LRFN5: variants seen among roughly 807,000 people sequenced by gnomAD.
LRFN5 encodes the protein leucine-rich repeat and fibronectin type-III domain-containing protein 5.
Under a neutral mutation model 45.6 loss-of-function variants are expected in LRFN5, and 24 were observed. That is an observed-to-expected ratio of 0.53 (90% confidence interval 0.38 to 0.74). The LOEUF (loss-of-function observed/expected upper bound fraction) is 0.74, where lower values mean the gene tolerates loss of function less well. LRFN5 is among the 30% of genes least tolerant of loss of function. LRFN5 has a pLI of 0.00. For missense variants in LRFN5, 776 were observed against 861.5 expected (o/e 0.90, Z 1.24); for synonymous variants, 340 against 313.8 (o/e 1.08, Z -0.88).
chr14:41,797,824 CAAG>C (rs1206074837), intron 2 of LRFN5, among the ~76,000 whole-genome samples: 1 of 151,820 alleles, frequency 6.6e-6, no homozygotes, highest in African/African-American at 2.4e-5. Flanking sequence ...GTATTTCTTA[CAAG>C]AAAATCTCTA....
intron 2 of LRFN5, among the ~76,000 whole-genome samples, chr14:41,814,885 T>A (rs1887863540): frequency 6.6e-6 from 1 of 152,046 alleles, no homozygotes; most frequent in African/African-American, 2.4e-5. Flanking sequence ...AGCTTTGGTA[T>A]GAAGAAAGAG....
rs571348406 is a variant in LRFN5 at position 41,836,282 on chromosome 14, T to C, written c.-20-50324T>C. 6.6e-5 allele frequency among the ~76,000 whole-genome samples: 10 copies of C among 152,298 alleles called. No homozygotes were observed. In the East Asian group the frequency reaches 1.9e-3, roughly 29 times the overall value. On this transcript the variant is annotated intron_variant, in intron 2 of 5. Coordinates refer to ENST00000298119, the MANE Select transcript of LRFN5 (RefSeq NM_152447.5). ...TATTCTTTGACAAAGTTTTCAAATA[T>C]GTGCTGCTAAAAAGGAGACACTTTT...
intron 1 of LRFN5, among the ~76,000 whole-genome samples, chr14:41,632,520 T>G (rs1401406890): frequency 1.3e-5 from 2 of 152,286 alleles, no homozygotes; most frequent in African/African-American, 4.8e-5. Context: ...GGAGAATTTC[T>G]TGAACCCAGG....
At chr14:41,645,179 G>A (rs534403421) in intron 1 of LRFN5, among the ~76,000 whole-genome samples, 331 of 152,316 alleles carry the variant, frequency 2.2e-3, no homozygotes, top group African/African-American at 7.4e-3. Context: ...CATGTAAAGT[G>A]TAGCATAGTG....
At chr14:41,675,486 G>C (rs371447021) in intron 1 of LRFN5, among the ~76,000 whole-genome samples, 1 of 151,212 alleles carries the variant, frequency 6.6e-6, no homozygotes, top group Non-Finnish European at 1.5e-5. Context: ...GCCTGCAATC[G>C]CAGGCACTCG....
intron 1 of LRFN5, among the ~76,000 whole-genome samples, chr14:41,656,008 A>T (rs1047715221): frequency 8.6e-5 from 13 of 151,918 alleles, no homozygotes; most frequent in Non-Finnish European, 1.9e-4. Flanking sequence ...AATGCTTTTG[A>T]CTTCTAGATT....
At chr14:41,616,966 A>T (rs956058702) in intron 1 of LRFN5, among the ~76,000 whole-genome samples, 1 of 152,090 alleles carries the variant, frequency 6.6e-6, no homozygotes, top group Non-Finnish European at 1.5e-5. Flanking sequence ...TTGCTCTTAT[A>T]TAGCTAATTG....
intron 2 of LRFN5, among the ~76,000 whole-genome samples, chr14:41,774,608 A>G (rs1398522010): frequency 6.6e-6 from 1 of 152,250 alleles, no homozygotes; most frequent in Admixed American, 6.5e-5. Context: ...TGGAAAAAAC[A>G]TCAGGAATTT....
intron 2 of LRFN5, among the ~76,000 whole-genome samples, chr14:41,776,026 G>A (rs1270599688): frequency 1.3e-5 from 2 of 152,178 alleles, no homozygotes; most frequent in African/African-American, 4.8e-5. Context: ...GGAAATTGGT[G>A]TGGCCTGAAT....
At chr14:41,696,547 T>TCACACTCTGTTGATTGTGATATCAA (rs1882618743) in intron 1 of LRFN5, among the ~76,000 whole-genome samples, 1 of 150,898 alleles carries the variant, frequency 6.6e-6, no homozygotes. Context: ...TCTGCAGACA[T>TCACACTCTGTTGATTGTGATATCAA]CACAATCTGT....
intron 1 of LRFN5, among the ~76,000 whole-genome samples, chr14:41,712,900 A>G (rs10132715): frequency 0.51 from 76,734 of 151,840 alleles, 20,025 homozygotes; most frequent in East Asian, 0.94. Flanking sequence ...TCACAGCATT[A>G]CATTTTACTC....
At chr14:41,757,749 G>T (rs574269708) in intron 1 of LRFN5, among the ~76,000 whole-genome samples, 4 of 152,238 alleles carry the variant, frequency 2.6e-5, no homozygotes, top group South Asian at 4.1e-4. Flanking sequence ...CGCTCGGTGC[G>T]CTGCACCCAC....
chr14:41,868,272 T>C (rs1775965003), intron 2 of LRFN5, among the ~76,000 whole-genome samples: 1 of 152,128 alleles, frequency 6.6e-6, no homozygotes, highest in Non-Finnish European at 1.5e-5. Context: ...ATGACAAGGT[T>C]CTAAATATTT....
chr14:41,734,958 G>C (rs1187710406), intron 1 of LRFN5, among the ~76,000 whole-genome samples: 2 of 151,960 alleles, frequency 1.3e-5, no homozygotes, highest in East Asian at 3.9e-4. Flanking sequence ...TGTTTTTGAT[G>C]ACACATGCTT....
intron 2 of LRFN5, among the ~76,000 whole-genome samples, chr14:41,813,382 C>T (rs759622757): frequency 1.5e-4 from 23 of 152,084 alleles, no homozygotes; most frequent in Middle Eastern, 6.8e-3. Flanking sequence ...GTGTGATGTT[C>T]CCCTCCCTGT....
Position 41,900,558 on chromosome 14 carries a change from C to CATA in LRFN5, c.2142+1598_2142+1599insATA, listed in dbSNP as rs1891072095. On this transcript the variant is annotated intron_variant, in intron 5 of 5. Transcript: ENST00000298119. ...GACTGTCATATATTATAGAAAACTTCCCTTCATACTTAAGCTACCTTGTTC... is the reference window on the plus strand; with the variant it reads ...GACTGTCATATATTATAGAAAACTTCATACCTTCATACTTAAGCTACCTTGTTC... Among the ~76,000 whole-genome samples, 4 of 152,076 alleles carry CATA rather than the reference C, an allele frequency of 2.6e-5. No homozygotes were observed. The East Asian group carries it at 5.8e-4, about 22-fold the overall frequency.
chr14:41,677,453 T>C (rs1256347515), intron 1 of LRFN5, among the ~76,000 whole-genome samples: 1 of 152,038 alleles, frequency 6.6e-6, no homozygotes, highest in Non-Finnish European at 1.5e-5. Flanking sequence ...GAAACTATTA[T>C]AATTATATTT....
At position 41,887,197 on chromosome 14, in the gene LRFN5, T is replaced by C. The variant is rs1207627664; in HGVS notation, c.572T>C (p.Phe191Ser). The C allele has an allele frequency of 6.2e-7, 1 of 1,614,132 alleles. No homozygotes were observed. The change falls in exon 3 of 6, where the codon TTC becomes TCC. Residue 191 changes from phenylalanine (F) to serine (S), a missense_variant. Around this residue, in one of 2 missense-constraint regions of LRFN5, gnomAD observed 311 missense variants for 405.1 expected, o/e 0.77. Transcript: ENST00000298119. This position sits in a 1 kb window ranked among gnomAD's most constrained non-coding sequence, Gnocchi z 4.8. ...NMIDNIPKGT[F>S]SHLHKMTRLD... ...ATTGATAACATTCCTAAGGGGACCT[T>C]CTCCCATTTGCACAAGATGACTCGG... is the stretch of plus-strand genomic sequence containing the variant.
intron 2 of LRFN5, among the ~76,000 whole-genome samples, chr14:41,810,730 T>C (rs891327785): frequency 6.6e-6 from 1 of 152,078 alleles, no homozygotes; most frequent in African/African-American, 2.4e-5. Flanking sequence ...GAATATTTCA[T>C]CCCATTCTCA....
Sources: gnomAD v4.1 joint callset for allele counts (sites outside exome capture counted in the v4.1 genomes callset) on GRCh38, gnomAD v4.1.1 for gene constraint, gnomAD v4.1.1 regional missense constraint, Gnocchi (gnomAD v3.1) non-coding constraint, MANE v1.5 for transcripts, NCBI Gene and HGNC (gene_info 2026-07-23, HGNC 2026-07-21) for gene names.